PKNOX1: variants seen among roughly 807,000 people sequenced by gnomAD.
The protein encoded by PKNOX1 is homeobox protein PKNOX1.
Under a neutral mutation model 51.9 loss-of-function variants are expected in PKNOX1, and 15 were observed. That is an observed-to-expected ratio of 0.29 (90% CI 0.19 to 0.45). The LOEUF (loss-of-function observed/expected upper bound fraction) is 0.45, where lower values mean the gene tolerates loss of function less well. Ranked by LOEUF, PKNOX1 falls within the 20% of genes least tolerant of loss-of-function variation. The probability of loss-of-function intolerance (pLI) is 1.00; values close to 1 mark genes in which losing one functional copy is unlikely to be tolerated. For missense variants in PKNOX1, 462 were observed against 547.5 expected (o/e 0.84, Z 1.56); for synonymous variants, 219 against 211.1 (o/e 1.04, Z -0.32).
intron 1 of PKNOX1, among the ~76,000 whole-genome samples, chr21:42,975,015 G>C (rs2058984891): frequency 7.0e-6 from 1 of 143,330 alleles, no homozygotes; most frequent in Non-Finnish European, 1.5e-5. Context: ...GCTCCTAACC[G>C]TCCCTTTCGG....
chr21:43,030,049 C>T lies in PKNOX1; in HGVS notation c.1259C>T (p.Ala420Val). ...ACAGAGGAGGATGCGGGTGCCCTGGCCCCTGCCCACATCAGCGGGCTGGTC... is the reference window on the plus strand; with the variant it reads ...ACAGAGGAGGATGCGGGTGCCCTGGTCCCTGCCCACATCAGCGGGCTGGTC... Reference protein sequence around the residue: ...DSTEEDAGALAPAHISGLVLE... With the variant: ...DSTEEDAGALVPAHISGLVLE... The change falls in exon 11 of 11, where the codon GCC becomes GTC. Residue 420 changes from alanine to valine, a missense_variant. Ala to Val is a moderately conservative substitution (Grantham distance 64). Coordinates refer to ENST00000291547, the MANE Select transcript of PKNOX1 (RefSeq NM_004571.5). 1 of 1,612,288 alleles carries T rather than the reference C, an allele frequency of 6.2e-7. No individual in the cohort carries two copies. Among genetic ancestry groups the T allele is most frequent in the Non-Finnish European group, 8.5e-7 (1 of 1,178,556 alleles).
In PKNOX1 at chr21:43,031,036, T is replaced by G. The variant is rs1980243817; in HGVS notation, c.*935T>G. 1 of 152,556 alleles carries G rather than the reference T, an allele frequency of 6.6e-6. No homozygotes were observed. The highest frequency in any genetic ancestry group is 1.5e-5 in the Non-Finnish European group (1 of 68,030). The allele number at this position is 152,556 out of a possible 1,614,324, so 9.5% of individuals were successfully genotyped here. On this transcript the variant is annotated 3_prime_UTR_variant, in exon 11 of 11. Transcript: ENST00000291547. ...TAAACAGGACTTCAGGTAAGTGAGG[T>G]GAAATGGTAGCCAGTGACCCGTTAG...
At chr21:42,990,356 G>A (rs2146238922) in intron 1 of PKNOX1, among the ~76,000 whole-genome samples, 1 of 152,322 alleles carries the variant, frequency 6.6e-6, no homozygotes, top group African/African-American at 2.4e-5. Flanking sequence ...TCTGCATAGT[G>A]GAGCACACTG....
intron 1 of PKNOX1, among the ~76,000 whole-genome samples, chr21:42,987,401 AAAAATAT>A (rs1358893242): frequency 0.025 from 2,398 of 96,968 alleles, 19 homozygotes; most frequent in Non-Finnish European, 0.043. Context: ...AAAAAAAAAA[AAAAATAT>A]ATATATATAT....
chr21:42,982,965 A>T (rs111454423), intron 1 of PKNOX1, among the ~76,000 whole-genome samples: 5,768 of 151,812 alleles, frequency 0.038, 138 homozygotes, highest in Middle Eastern at 0.061. Context: ...GCCCACCACC[A>T]CGCCTGGCTA....
intron 7 of PKNOX1, among the ~76,000 whole-genome samples, chr21:43,020,928 C>G (rs1462045833): frequency 6.6e-6 from 1 of 152,122 alleles, no homozygotes; most frequent in African/African-American, 2.4e-5. Context: ...GGCAACAGGG[C>G]GAGACCCTGC....
intron 8 of PKNOX1, among the ~76,000 whole-genome samples, chr21:43,023,576 G>A (rs1979856750): frequency 6.6e-6 from 1 of 151,976 alleles, no homozygotes; most frequent in African/African-American, 2.4e-5. Flanking sequence ...ACCATAGCTA[G>A]AAATCATTTT....
At chr21:42,989,234 C>T (rs1283217892) in intron 1 of PKNOX1, among the ~76,000 whole-genome samples, 1 of 151,996 alleles carries the variant, frequency 6.6e-6, no homozygotes, top group Non-Finnish European at 1.5e-5. Flanking sequence ...CCGCCTCGGG[C>T]TTCCAAAGTG....
intron 1 of PKNOX1, among the ~76,000 whole-genome samples, chr21:42,977,060 A>T (rs538471148): frequency 1.6e-4 from 25 of 152,336 alleles, no homozygotes; most frequent in African/African-American, 4.8e-4. Flanking sequence ...GACTAGGTAC[A>T]TTGTCAGTGA....
At chr21:43,026,461 T>G (rs182439134) in intron 9 of PKNOX1, among the ~76,000 whole-genome samples, 3 of 152,250 alleles carry the variant, frequency 2.0e-5, no homozygotes, top group African/African-American at 7.2e-5. Flanking sequence ...TAAGAATGAT[T>G]TAAAAACACA....
rs1980329983 is a variant in PKNOX1 at position 43,032,711 on chromosome 21, T to C, written c.*2610T>C. On this transcript the variant is annotated 3_prime_UTR_variant, in exon 11 of 11. Coordinates refer to ENST00000291547, the MANE Select transcript of PKNOX1 (RefSeq NM_004571.5). ...AACACCCATGCTGAATGATACAGTG[T>C]GCATTCTCTCCAGCTGCAAACTTTC... 1 of 152,714 alleles carries C rather than the reference T, an allele frequency of 6.5e-6. No individual in the cohort carries two copies. The highest frequency in any genetic ancestry group is 2.4e-5 in the African/African-American group (1 of 41,476). The allele number at this position is 152,714 out of a possible 1,614,324, so 9.5% of individuals were successfully genotyped here. A position where few individuals can be genotyped will look rare whatever the true frequency, so the allele number is the denominator to read the frequency against.
chr21:42,993,659 GTTT>G (rs1396808385), intron 1 of PKNOX1, among the ~76,000 whole-genome samples: 1 of 12,574 alleles, frequency 8.0e-5, no homozygotes, highest in East Asian at 1.9e-3. Flanking sequence ...TGTTTTTTTT[GTTT>G]TTTTTTTTTT....
At chr21:43,015,517 T>C (rs890431969) in intron 5 of PKNOX1, among the ~76,000 whole-genome samples, 3 of 152,260 alleles carry the variant, frequency 2.0e-5, no homozygotes, top group African/African-American at 7.2e-5. Flanking sequence ...TGTCTATATT[T>C]GTAAGGGATA....
chr21:43,021,472 C>G lies in PKNOX1; in HGVS notation c.849+41C>G, dbSNP rs375763738. On this transcript the variant is annotated intron_variant, in intron 8 of 10. Transcript: ENST00000291547. This position sits in a 1 kb window ranked among gnomAD's most constrained non-coding sequence, Gnocchi z 4.6. ...CCAGCCCTTGCCTTGCAGCCCTCTG[C>G]GACGCTTGCTCTCTGGCTTATGTGT... 1.9e-6 allele frequency: 3 copies of G among 1,551,916 alleles called. No individual in the cohort carries two copies. Among genetic ancestry groups the G allele is most frequent in the Non-Finnish European group, 2.6e-6 (3 of 1,146,158 alleles).
chr21:43,010,516 T>C (rs1979200521), intron 4 of PKNOX1, among the ~76,000 whole-genome samples: 1 of 152,082 alleles, frequency 6.6e-6, no homozygotes. Flanking sequence ...CAATCTTCCC[T>C]CCTCAGTCTC....
At chr21:42,981,249 G>A (rs2059023752) in intron 1 of PKNOX1, among the ~76,000 whole-genome samples, 1 of 152,260 alleles carries the variant, frequency 6.6e-6, no homozygotes. Context: ...GAGAGGCATG[G>A]TCCTTGGTGG....
At chr21:42,994,572 T>A (rs1568892273) in intron 1 of PKNOX1, among the ~76,000 whole-genome samples, 1 of 151,838 alleles carries the variant, frequency 6.6e-6, no homozygotes, top group Non-Finnish European at 1.5e-5. Flanking sequence ...AAAGACAATC[T>A]GAGAGTAGAA....
At chr21:43,013,825 T>G (rs1250609596) in intron 5 of PKNOX1, among the ~76,000 whole-genome samples, 1 of 152,192 alleles carries the variant, frequency 6.6e-6, no homozygotes, top group Non-Finnish European at 1.5e-5. Context: ...TTTGCTTGTT[T>G]CATTGTGCAG....
chr21:42,986,676 T>C (rs1424825105), intron 1 of PKNOX1, among the ~76,000 whole-genome samples: 2 of 152,118 alleles, frequency 1.3e-5, no homozygotes, highest in Non-Finnish European at 2.9e-5. Flanking sequence ...AAATGAAAGC[T>C]CACTTAACTG....
Sources: gnomAD v4.1 joint callset for allele counts (sites outside exome capture counted in the v4.1 genomes callset) on GRCh38, gnomAD v4.1.1 for gene constraint, Gnocchi (gnomAD v3.1) non-coding constraint, MANE v1.5 for transcripts, NCBI Gene and HGNC (gene_info 2026-07-23, HGNC 2026-07-21) for gene names.